CADPS2: variants seen among roughly 807,000 people sequenced by gnomAD.
CADPS2 encodes the protein calcium-dependent secretion activator 2.
In CADPS2, 93 loss-of-function variants were observed where a neutral mutation model predicts 172.5. That is an observed-to-expected ratio of 0.54 (90% CI 0.46 to 0.64). The LOEUF (loss-of-function observed/expected upper bound fraction) is 0.64, where lower values mean the gene tolerates loss of function less well. Among genes scored for constraint, CADPS2 ranks in the 30% least tolerant of loss-of-function variants. The probability of loss-of-function intolerance (pLI) is 0.00; values close to 1 mark genes in which losing one functional copy is unlikely to be tolerated. For synonymous variants in CADPS2, 546 were observed against 555.2 expected (o/e 0.98, Z 0.23); for missense variants, 1,420 against 1,565.9 (o/e 0.91, Z 1.57).
At chr7:122,579,929 A>T (rs578205314) in intron 7 of CADPS2, among the ~76,000 whole-genome samples, 1 of 152,242 alleles carries the variant, frequency 6.6e-6, no homozygotes, top group East Asian at 1.9e-4. Flanking sequence ...AAATAGAAAA[A>T]TTCCAAGAGT....
At chr7:122,490,957 T>C (rs189635581) in intron 10 of CADPS2, among the ~76,000 whole-genome samples, 6 of 152,268 alleles carry the variant, frequency 3.9e-5, no homozygotes, top group African/African-American at 1.4e-4. Context: ...AGAAAATTAG[T>C]AGTTATAATA....
At chr7:122,323,870 A>AT (rs1350484430) in intron 29 of CADPS2, among the ~76,000 whole-genome samples, 5 of 96,002 alleles carry the variant, frequency 5.2e-5, no homozygotes, top group African/African-American at 2.0e-4. Flanking sequence ...ACATATGTAT[A>AT]TTTTATATAT....
chr7:122,477,284 G>A (rs2056806521), intron 12 of CADPS2, among the ~76,000 whole-genome samples: 1 of 151,864 alleles, frequency 6.6e-6, no homozygotes, highest in Non-Finnish European at 1.5e-5. Flanking sequence ...AGGCCGAGGT[G>A]GGTGAATCAC....
chr7:122,354,656 T>C (rs929860062), intron 27 of CADPS2, among the ~76,000 whole-genome samples: 1 of 152,172 alleles, frequency 6.6e-6, no homozygotes, highest in African/African-American at 2.4e-5. Flanking sequence ...AAAGCTAATA[T>C]GAACATTTTC....
At chr7:122,330,392 T>G (rs1379886814) in intron 28 of CADPS2, among the ~76,000 whole-genome samples, 2 of 152,234 alleles carry the variant, frequency 1.3e-5, no homozygotes, top group African/African-American at 2.4e-5. Flanking sequence ...AGTATATTTC[T>G]ATTTAATGCA....
chr7:122,649,900 T>A (rs1331771775), intron 3 of CADPS2, among the ~76,000 whole-genome samples: 1 of 58,692 alleles, frequency 1.7e-5, no homozygotes, highest in African/African-American at 5.1e-5. Flanking sequence ...ATTCAATGAT[T>A]TTTTTTTTTT....
intron 2 of CADPS2, chr7:122,681,673 T>A: frequency 8.1e-7 from 1 of 1,239,948 alleles, no homozygotes; most frequent in Middle Eastern, 2.7e-4. Context: ...GGAGCTGAGT[T>A]CTTAAAGACT....
chr7:122,575,368 C>T (rs1418718015), intron 7 of CADPS2, among the ~76,000 whole-genome samples: 2 of 151,684 alleles, frequency 1.3e-5, no homozygotes, highest in Non-Finnish European at 2.9e-5. Flanking sequence ...TATTAAATTT[C>T]TTAGGTGTAA....
chr7:122,714,498 A>G (rs1323706152), intron 2 of CADPS2, among the ~76,000 whole-genome samples: 1 of 152,056 alleles, frequency 6.6e-6, no homozygotes, highest in African/African-American at 2.4e-5. Flanking sequence ...AAAACAAACA[A>G]TAAGTGGGGC....
At chr7:122,762,025 TATATACACACAC>T (rs2093402280) in intron 1 of CADPS2, among the ~76,000 whole-genome samples, 1 of 80,314 alleles carries the variant, frequency 1.2e-5, no homozygotes, top group Admixed American at 1.5e-4. Context: ...TATATATATA[TATATACACACAC>T]ACACACACAC....
At chr7:122,492,161 G>T (rs1327444360) in intron 9 of CADPS2, among the ~76,000 whole-genome samples, 1 of 151,842 alleles carries the variant, frequency 6.6e-6, no homozygotes, top group East Asian at 1.9e-4. Flanking sequence ...GACAGAGCGA[G>T]ACTCCATCTC....
chr7:122,385,706 T>C (rs1410964095), intron 24 of CADPS2, among the ~76,000 whole-genome samples: 1 of 152,046 alleles, frequency 6.6e-6, no homozygotes, highest in African/African-American at 2.4e-5. Context: ...CAGGCCTGCC[T>C]CTTCCTTACC....
At chr7:122,386,953 G>T in intron 24 of CADPS2, 73 bp downstream of exon 24, 1 of 1,459,258 alleles carries the variant, frequency 6.9e-7, no homozygotes, top group Non-Finnish European at 9.2e-7. Flanking sequence ...TCAAGAGAAT[G>T]CCTTGTGGAA....
intron 27 of CADPS2, among the ~76,000 whole-genome samples, chr7:122,346,458 T>C (rs923901546): frequency 6.6e-6 from 1 of 152,178 alleles, no homozygotes; most frequent in African/African-American, 2.4e-5. Flanking sequence ...GTTCAAGGAA[T>C]ACAAACTAAA....
intron 1 of CADPS2, among the ~76,000 whole-genome samples, chr7:122,754,129 T>C (rs1454438441): frequency 6.6e-6 from 1 of 152,230 alleles, no homozygotes; most frequent in Admixed American, 6.5e-5. Flanking sequence ...AAAAAGTCTT[T>C]GTTTACATGC....
chr7:122,539,764 T>C (rs374380569), intron 8 of CADPS2, among the ~76,000 whole-genome samples: 1 of 152,204 alleles, frequency 6.6e-6, no homozygotes, highest in East Asian at 1.9e-4. Flanking sequence ...TCTCTCTGTC[T>C]CTGTCTCTCT....
At chr7:122,699,757 T>C (rs181575984) in intron 2 of CADPS2, among the ~76,000 whole-genome samples, 18 of 152,306 alleles carry the variant, frequency 1.2e-4, no homozygotes, top group African/African-American at 4.3e-4. Context: ...GGGAAGCTAA[T>C]TTCTCTGCAG....
At chr7:122,876,543 T>C (rs1392087263) in intron 1 of CADPS2, among the ~76,000 whole-genome samples, 4 of 152,004 alleles carry the variant, frequency 2.6e-5, no homozygotes, top group Non-Finnish European at 1.5e-5. Flanking sequence ...TTCTATTTTT[T>C]GTGCAGACTG....
intron 12 of CADPS2, among the ~76,000 whole-genome samples, chr7:122,479,770 C>T (rs1457514241): frequency 6.6e-6 from 1 of 152,002 alleles, no homozygotes; most frequent in Admixed American, 6.6e-5. Context: ...AATGCTTTCC[C>T]TATGAAGTGT....
Sources: gnomAD v4.1 joint callset for allele counts (sites outside exome capture counted in the v4.1 genomes callset) on GRCh38, gnomAD v4.1.1 for gene constraint, MANE v1.5 for transcripts, NCBI Gene and HGNC (gene_info 2026-07-23, HGNC 2026-07-21) for gene names.